Variants in TAP2 observed in about 807,000 individuals in gnomAD.
TAP2 encodes the protein transporter 2, ATP binding cassette subfamily B member, also known as antigen peptide transporter 2.
TAP2 carries 49 observed loss-of-function variants against 74.7 expected under a neutral mutation model. The ratio of observed to expected loss-of-function variants is 0.66; its 90% confidence interval spans 0.52 to 0.83. TAP2 has a LOEUF of 0.83. TAP2 is among the 40% of genes least tolerant of loss of function. The pLI, the probability that TAP2 is intolerant of heterozygous loss-of-function variation, is 0.00. For synonymous variants in TAP2, 306 were observed against 368.4 expected (o/e 0.83, Z 1.94); for missense variants, 739 against 859.0 (o/e 0.86, Z 1.75).
chr6:32,827,185 A>G lies in TAP2; in HGVS notation c.*1721T>C, dbSNP rs17220185. 10,116 of 985,370 alleles carry G rather than the reference A, an allele frequency of 0.01. 459 individuals are homozygous for G. The African/African-American group carries it at 0.12, about 12-fold the overall frequency. The allele number at this position is 985,370 out of a possible 1,614,324, so 61.0% of individuals were successfully genotyped here. A position where few individuals can be genotyped will look rare whatever the true frequency, so the allele number is the denominator to read the frequency against. On this transcript the variant is annotated 3_prime_UTR_variant, in exon 12 of 12. Transcript: ENST00000374897. ...GCACTGGAAACTACCTGCTGTTTCCAGGAATATGAAGGTTTCTCTTTCCTA... is the reference window on the plus strand; with the variant it reads ...GCACTGGAAACTACCTGCTGTTTCCGGGAATATGAAGGTTTCTCTTTCCTA...
rs1451352867 is a variant in TAP2, at chr6:32,827,908, A to T, written c.*998T>A. ...CTGGTGATGGGATCATCTTAAGTCT[A>T]TGAGTGAAGACTATAACAACGGGAC... On this transcript the variant is annotated 3_prime_UTR_variant, in exon 12 of 12. Transcript: ENST00000374897. The T allele has an allele frequency of 1.0e-6, 1 of 957,240 alleles. No homozygotes were observed. The highest frequency in any genetic ancestry group is 1.2e-6 in the Non-Finnish European group (1 of 805,222). 59.3% of individuals were successfully genotyped at this position (957,240 alleles called of 1,614,324 possible).
At chr6:32,838,390 C>T in intron 1 of TAP2, 153 bp from the exon 2 acceptor site, 2 of 646,254 alleles carry the variant, frequency 3.1e-6, no homozygotes, top group Non-Finnish European at 3.8e-6. Context: ...GGTGCTCATC[C>T]GTACACCCCT....
chr6:32,830,762 AG>A lies in TAP2; in HGVS notation c.1316del (p.Ala439ValfsTer30), dbSNP rs1444656845. 6.2e-7 allele frequency: 1 copy of A among 1,612,678 alleles called. No homozygotes were observed. Among genetic ancestry groups the A allele is most frequent in the Non-Finnish European group, 8.5e-7 (1 of 1,179,960 alleles). ...IYGDMLSNVG[A>X]AEKVFSYMDR... Reference sequence around the variant, plus strand: ...CCATGTAGGAGAAAACCTTCTCTGCAGCTCCCACGTTGCTGAGCATATCCCC... The same window carrying A: ...CCATGTAGGAGAAAACCTTCTCTGCACTCCCACGTTGCTGAGCATATCCCC... On this transcript the variant is annotated frameshift_variant, in exon 8 of 12. Coordinates refer to ENST00000374897, the MANE Select transcript of TAP2 (RefSeq NM_001290043.2). LOFTEE classifies it high-confidence loss of function.
At position 32,827,420 on chromosome 6, in the gene TAP2, C is replaced by T. The variant is rs528734876; in HGVS notation, c.*1486G>A. 7.1e-5 allele frequency: 59 copies of T among 829,820 alleles called. 1 individual carries two copies. The South Asian group carries it at 2.7e-3, about 37-fold the overall frequency. 51.4% of individuals were successfully genotyped at this position (829,820 alleles called of 1,614,324 possible). On this transcript the variant is annotated 3_prime_UTR_variant, in exon 12 of 12. Coordinates refer to ENST00000374897, the MANE Select transcript of TAP2 (RefSeq NM_001290043.2). ...AAGCTTAATAAGATATATGGCTTTC[C>T]GCCCAGGTGCTCATGGTCTAGTGGA...
intron 7 of TAP2, among the ~76,000 whole-genome samples, chr6:32,831,226 A>G (rs1769057902): frequency 6.6e-6 from 1 of 152,254 alleles, no homozygotes; most frequent in South Asian, 2.1e-4. Context: ...AAATGTTTAA[A>G]TAAAGCCCTG....
downstream of TAP2, among the ~76,000 whole-genome samples, chr6:32,823,401 TTA>T (rs61611170): frequency 0.063 from 9,466 of 150,506 alleles, 603 homozygotes; most frequent in African/African-American, 0.17. Flanking sequence ...ATACTTTACA[TTA>T]TAAAGTGCCC....
At position 32,837,849 on chromosome 6, in the gene TAP2, G is replaced by C; in HGVS notation, c.385C>G (p.Gln129Glu). Residue 129 changes from glutamine to glutamate, a missense_variant, in exon 2 of 12, where the codon CAG (glutamine) becomes GAG (glutamate). Gln to Glu is a conservative substitution (Grantham distance 29, BLOSUM62 2). Coordinates refer to ENST00000374897, the MANE Select transcript of TAP2 (RefSeq NM_001290043.2). ...LSPPGAQEKE[Q>E]DQVNNKVLMW... ...AAGACTTTGTTGTTCACCTGGTCCT[G>C]CTCCTTCTCCTGGGCTCCAGGAGGG... 2 of 1,613,594 alleles carry C rather than the reference G, an allele frequency of 1.2e-6. No individual in the cohort carries two copies. Among genetic ancestry groups the C allele is most frequent in the Middle Eastern group, 1.6e-4 (1 of 6,062 alleles).
In TAP2 at chr6:32,827,322, ATATT is replaced by A; in HGVS notation, c.*1580_*1583del. On this transcript the variant is annotated 3_prime_UTR_variant, in exon 12 of 12. Transcript: ENST00000374897. ...GATTAAGATTAGTACGATGGTGGAG[ATATT>A]TATTCATTTATTCAATTGACTATTT... 1 of 985,284 alleles carries A rather than the reference ATATT, an allele frequency of 1.0e-6. No individual in the cohort carries two copies. Among genetic ancestry groups the A allele is most frequent in the Non-Finnish European group, 1.2e-6 (1 of 829,874 alleles). The allele number at this position is 985,284 out of a possible 1,614,324, so 61.0% of individuals were successfully genotyped here.
chr6:32,822,887 T>C (rs927928277), downstream of TAP2, among the ~76,000 whole-genome samples: 1 of 150,582 alleles, frequency 6.6e-6, no homozygotes, highest in Admixed American at 6.6e-5. Flanking sequence ...TTTTTATTGA[T>C]AGTAATATCT....
chr6:32,831,255 G>C (rs1268623907), intron 7 of TAP2, among the ~76,000 whole-genome samples: 1 of 152,194 alleles, frequency 6.6e-6, no homozygotes, highest in Non-Finnish European at 1.5e-5. Context: ...AGCTGTTTTT[G>C]AGAACTGGTA....
At position 32,826,314 on chromosome 6, in the gene TAP2, T is replaced by C; in HGVS notation, c.*2592A>G. 2.0e-6 allele frequency: 2 copies of C among 985,428 alleles called. No homozygotes were observed. The highest frequency in any genetic ancestry group is 2.4e-6 in the Non-Finnish European group (2 of 829,948). The allele number at this position is 985,428 out of a possible 1,614,324, so 61.0% of individuals were successfully genotyped here. ...GTGTTTTGGCATCCAAGGAAATCTA[T>C]CAGTTTCCCAAGCTTTCCCCTCTCC... On this transcript the variant is annotated 3_prime_UTR_variant, in exon 12 of 12. Coordinates refer to ENST00000374897, the MANE Select transcript of TAP2 (RefSeq NM_001290043.2).
downstream of TAP2, chr6:32,822,219 T>A: frequency 7.9e-7 from 1 of 1,258,318 alleles, no homozygotes; most frequent in Non-Finnish European, 1.1e-6. Flanking sequence ...AAAAAATAAA[T>A]GTTGGTGATG....
At chr6:32,825,195 A>C (rs1768566482), downstream of TAP2, among the ~76,000 whole-genome samples, 2 of 150,098 alleles carry the variant, frequency 1.3e-5, no homozygotes, top group Admixed American at 1.4e-4. Flanking sequence ...ATAAATTAAT[A>C]TAGCCTCTAT....
In TAP2 at chr6:32,837,800, G is replaced by A; in HGVS notation, c.434C>T (p.Ser145Phe). The A allele has an allele frequency of 6.2e-7, 1 of 1,614,104 alleles. No individual in the cohort carries two copies. Reference protein sequence around the residue: ...KVLMWRLLKLSRPDLPLLVAA... With the variant: ...KVLMWRLLKLFRPDLPLLVAA... ...AACGAGGAGAGGCAGGTCCGGCCTG[G>A]AGAGCTTCAGCAGCCTCCACATCAA... Residue 145 changes from serine to phenylalanine, a missense_variant, in exon 2 of 12, where the codon TCC becomes TTC. By Grantham distance (155) the Ser-to-Phe change is radical. Coordinates refer to ENST00000374897, the MANE Select transcript of TAP2 (RefSeq NM_001290043.2).
chr6:32,836,574 A>C (rs1221149618), intron 3 of TAP2, among the ~76,000 whole-genome samples: 5 of 152,236 alleles, frequency 3.3e-5, no homozygotes, highest in Non-Finnish European at 5.9e-5. Flanking sequence ...GTCATAGCCT[A>C]CTGCACACCT....
chr6:32,830,208 C>A lies in TAP2; in HGVS notation c.1635+59G>T, dbSNP rs1158280679. On this transcript the variant is annotated intron_variant, in intron 9 of 11. Coordinates refer to ENST00000374897, the MANE Select transcript of TAP2 (RefSeq NM_001290043.2). Reference sequence around the variant, plus strand: ...CTGGTGCGCCTTCCCGTGGATCTCCCATCCTCTCTCTGTACATGCTCCCCT... The same window carrying A: ...CTGGTGCGCCTTCCCGTGGATCTCCAATCCTCTCTCTGTACATGCTCCCCT... 7 of 1,612,602 alleles carry A rather than the reference C, an allele frequency of 4.3e-6. No homozygotes were observed. In the Admixed American group the frequency reaches 1.0e-4, roughly 23 times the overall value.
intron 5 of TAP2, among the ~76,000 whole-genome samples, chr6:32,834,916 T>A (rs1418816699): frequency 2.0e-5 from 3 of 151,812 alleles, no homozygotes; most frequent in Non-Finnish European, 4.4e-5. Context: ...CCCCCATACC[T>A]TCACATACAC....
At chr6:32,822,079 G>T (rs1445185623), downstream of TAP2, 4 of 563,614 alleles carry the variant, frequency 7.1e-6, no homozygotes, top group African/African-American at 5.8e-5. Flanking sequence ...GGAACCAAAG[G>T]CTTTGGGCTC....
Position 32,827,886 on chromosome 6 carries a change from G to A in TAP2, c.*1020C>T. 1 of 932,406 alleles carries A rather than the reference G, an allele frequency of 1.1e-6. No homozygotes were observed. The highest frequency in any genetic ancestry group is 1.3e-6 in the Non-Finnish European group (1 of 783,296). 57.8% of individuals were successfully genotyped at this position (932,406 alleles called of 1,614,324 possible). Reference sequence around the variant, plus strand: ...AGCTAATGGTAGAGAAACCTCTCTGGTGATGGGATCATCTTAAGTCTATGA... The same window carrying A: ...AGCTAATGGTAGAGAAACCTCTCTGATGATGGGATCATCTTAAGTCTATGA... On this transcript the variant is annotated 3_prime_UTR_variant, in exon 12 of 12. Transcript: ENST00000374897.
Sources: gnomAD v4.1 joint callset for allele counts (sites outside exome capture counted in the v4.1 genomes callset) on GRCh38, gnomAD v4.1.1 for gene constraint, MANE v1.5 for transcripts, NCBI Gene and HGNC (gene_info 2026-07-23, HGNC 2026-07-21) for gene names.